LSAMP: variants seen among roughly 807,000 people sequenced by gnomAD.
LSAMP encodes limbic system associated membrane protein.
Under a neutral mutation model 38.6 loss-of-function variants are expected in LSAMP, and 7 were observed. The ratio of observed to expected loss-of-function variants is 0.18; its 90% CI spans 0.10 to 0.34. LSAMP has a LOEUF of 0.34. Ranked by LOEUF, LSAMP falls within the 10% of genes least tolerant of loss-of-function variation. The probability of loss-of-function intolerance (pLI) is 1.00; values close to 1 mark genes in which losing one functional copy is unlikely to be tolerated. For missense variants in LSAMP, 313 were observed against 420.0 expected, an observed-to-expected ratio of 0.75 and a Z score of 2.23; for synonymous variants, 154 against 166.8, an observed-to-expected ratio of 0.92 and a Z score of 0.59.
intron 1 of LSAMP, among the ~76,000 whole-genome samples, chr3:116,255,091 A>G (rs1002525916): frequency 6.6e-6 from 1 of 152,156 alleles, no homozygotes; most frequent in Non-Finnish European, 1.5e-5. Context: ...TCTCATTTCA[A>G]TGAAGAGCTC....
At chr3:116,220,033 G>C (rs2046263204) in intron 1 of LSAMP, among the ~76,000 whole-genome samples, 1 of 152,100 alleles carries the variant, frequency 6.6e-6, no homozygotes, top group Non-Finnish European at 1.5e-5. Context: ...AAATTAGCCA[G>C]TGTGGTGGCA....
At chr3:115,876,269 A>G (rs1470881701) in intron 3 of LSAMP, among the ~76,000 whole-genome samples, 3 of 143,676 alleles carry the variant, frequency 2.1e-5, no homozygotes, top group East Asian at 2.0e-4. Flanking sequence ...AAAAAAAAAA[A>G]GGAAAAAGCT....
chr3:115,928,973 G>GTTTGT (rs1553750016), intron 3 of LSAMP, among the ~76,000 whole-genome samples: 4 of 109,926 alleles, frequency 3.6e-5, no homozygotes, highest in Admixed American at 1.1e-4. Context: ...TTTTTTGTTT[G>GTTTGT]TTTTTTTTTT....
chr3:115,895,865 G>GA (rs1936715903), intron 3 of LSAMP, among the ~76,000 whole-genome samples: 1 of 152,054 alleles, frequency 6.6e-6, no homozygotes, highest in Admixed American at 6.6e-5. Flanking sequence ...TTCTAGGGAT[G>GA]AAAATCTTTC....
At position 115,970,909 on chromosome 3, in the gene LSAMP, G is replaced by T. The variant is rs547194905; in HGVS notation, c.514+48606C>A. ...GACCTATTATTGATATGTGTTAGGGGTTTTTTATAGTAATCACTGGACATT... is the reference window on the plus strand; with the variant it reads ...GACCTATTATTGATATGTGTTAGGGTTTTTTTATAGTAATCACTGGACATT... On this transcript the variant is annotated intron_variant, in intron 3 of 6. Coordinates refer to ENST00000490035, the MANE Select transcript of LSAMP (RefSeq NM_002338.5). Among the ~76,000 whole-genome samples the T allele has an allele frequency of 9.9e-5, 15 of 152,224 alleles. No homozygotes were observed. In the South Asian group the frequency reaches 1.7e-3, roughly 17 times the overall value.
chr3:116,208,723 G>A (rs1047208713), intron 1 of LSAMP, among the ~76,000 whole-genome samples: 8 of 124,788 alleles, frequency 6.4e-5, no homozygotes, highest in Admixed American at 2.5e-4. Context: ...GGGGGTCAGG[G>A]GTCAGGGACC....
chr3:116,249,065 C>T (rs1344183817), intron 1 of LSAMP, among the ~76,000 whole-genome samples: 3 of 150,268 alleles, frequency 2.0e-5, no homozygotes, highest in East Asian at 2.0e-4. Context: ...AGGAGAATGG[C>T]GTGAACCCAG....
chr3:116,210,549 C>A (rs372561521), intron 1 of LSAMP, among the ~76,000 whole-genome samples: 129 of 152,318 alleles, frequency 8.5e-4, no homozygotes, highest in African/African-American at 3.1e-3. Context: ...AAGGCTGCAT[C>A]GTCGGCTTCC....
intron 1 of LSAMP, among the ~76,000 whole-genome samples, chr3:116,306,557 G>C (rs1361402135): frequency 2.6e-5 from 4 of 151,966 alleles, no homozygotes; most frequent in Admixed American, 6.6e-5. Context: ...AAAAGTTAAT[G>C]AAGGGTTCAG....
At chr3:115,882,969 G>A (rs1936359893) in intron 3 of LSAMP, among the ~76,000 whole-genome samples, 1 of 152,166 alleles carries the variant, frequency 6.6e-6, no homozygotes, top group South Asian at 2.1e-4. Context: ...GTTAACTATA[G>A]TTACTGTAGA....
chr3:116,306,189 T>C (rs1436196266), intron 1 of LSAMP, among the ~76,000 whole-genome samples: 1 of 151,844 alleles, frequency 6.6e-6, no homozygotes, highest in East Asian at 1.9e-4. Flanking sequence ...GATGAGAGAG[T>C]GAAGGAATTA....
chr3:116,010,765 A>G (rs914657568), intron 3 of LSAMP, among the ~76,000 whole-genome samples: 1 of 152,164 alleles, frequency 6.6e-6, no homozygotes, highest in Non-Finnish European at 1.5e-5. Context: ...TACTGAAACT[A>G]TTAGTTGGAT....
chr3:116,355,444 G>A (rs77168445), intron 1 of LSAMP, among the ~76,000 whole-genome samples: 2 of 152,220 alleles, frequency 1.3e-5, no homozygotes, highest in African/African-American at 4.8e-5. Flanking sequence ...AAAATCAGAT[G>A]GGTTAAAGAT....
rs1396940212 is a variant in LSAMP, at chr3:115,807,922, C to G, written c.*2395G>C. The G allele has an allele frequency of 6.6e-6, 1 of 152,130 alleles. No homozygotes were observed. The highest frequency in any genetic ancestry group is 1.5e-5 in the Non-Finnish European group (1 of 68,020). The allele number at this position is 152,130 out of a possible 1,614,324, so 9.4% of individuals were successfully genotyped here. A position where few individuals can be genotyped will look rare whatever the true frequency, so the allele number is the denominator to read the frequency against. Reference sequence around the variant, plus strand: ...CAGAATCTGCTATAAACACTCTTAACCATCCCCAAGCTGAATTTTTCCTTG... The same window carrying G: ...CAGAATCTGCTATAAACACTCTTAAGCATCCCCAAGCTGAATTTTTCCTTG... On this transcript the variant is annotated 3_prime_UTR_variant, in exon 7 of 7. Coordinates refer to ENST00000490035, the MANE Select transcript of LSAMP (RefSeq NM_002338.5).
chr3:115,836,516 G>A (rs1934794049), intron 6 of LSAMP, among the ~76,000 whole-genome samples: 1 of 152,186 alleles, frequency 6.6e-6, no homozygotes, highest in Non-Finnish European at 1.5e-5. Flanking sequence ...ACTTGAGGAG[G>A]AAAACACACT....
chr3:116,349,484 T>TAC (rs59773081), intron 1 of LSAMP, among the ~76,000 whole-genome samples: 4,419 of 149,060 alleles, frequency 0.03, 78 homozygotes, highest in East Asian at 0.057. Context: ...CCAAAAAAAC[T>TAC]ACACACACAC....
At position 115,807,424 on chromosome 3, in the gene LSAMP, T is replaced by C. The variant is rs1933655316; in HGVS notation, c.*2893A>G. The C allele has an allele frequency of 6.6e-6, 1 of 152,116 alleles. No individual in the cohort carries two copies. Among genetic ancestry groups the C allele is most frequent in the African/African-American group, 2.4e-5 (1 of 41,420 alleles). The allele number at this position is 152,116 out of a possible 1,614,324, so 9.4% of individuals were successfully genotyped here. Reference sequence around the variant, plus strand: ...ATGTTTAATTATGTTTAATATATGGTCCATTATATTAAAACTGAGGGAACA... The same window carrying C: ...ATGTTTAATTATGTTTAATATATGGCCCATTATATTAAAACTGAGGGAACA... On this transcript the variant is annotated 3_prime_UTR_variant, in exon 7 of 7. Transcript: ENST00000490035.
intron 1 of LSAMP, among the ~76,000 whole-genome samples, chr3:116,312,585 C>T (rs572128517): frequency 2.6e-5 from 4 of 151,966 alleles, no homozygotes; most frequent in Non-Finnish European, 4.4e-5. Context: ...TGCCTTTAAC[C>T]TATTCACAAT....
intron 1 of LSAMP, among the ~76,000 whole-genome samples, chr3:116,336,714 C>T (rs1181088319): frequency 2.0e-5 from 3 of 151,910 alleles, no homozygotes; most frequent in Admixed American, 1.3e-4. Flanking sequence ...GGTATAGTTG[C>T]TATGGAAAAC....
Sources: allele counts gnomAD v4.1 joint callset (sites outside exome capture counted in the v4.1 genomes callset), GRCh38; gene constraint gnomAD v4.1.1; transcripts MANE v1.5; gene names NCBI Gene and HGNC (gene_info 2026-07-23, HGNC 2026-07-21).